Variants in CCSER1 observed in about 807,000 individuals in gnomAD.
CCSER1 encodes the protein serine-rich coiled-coil domain-containing protein 1.
Under a neutral mutation model 82.0 loss-of-function variants are expected in CCSER1, and 41 were observed. The observed-to-expected ratio is 0.50, with a 90% CI of 0.39 to 0.65. The LOEUF (loss-of-function observed/expected upper bound fraction) is 0.65, where lower values mean the gene tolerates loss of function less well. Ranked by LOEUF, CCSER1 falls within the 30% of genes least tolerant of loss-of-function variation. CCSER1 has a pLI of 0.00. For missense variants in CCSER1, 1,119 were observed against 1,064.2 expected, an observed-to-expected ratio of 1.05 and a Z score of -0.72; for synonymous variants, 414 against 383.9, an observed-to-expected ratio of 1.08 and a Z score of -0.92.
At position 91,599,264 on chromosome 4, in the gene CCSER1, G is replaced by A; in HGVS notation, c.*207G>A. 1.8e-6 allele frequency: 1 copy of A among 552,410 alleles called. No homozygotes were observed. The highest frequency in any genetic ancestry group is 3.1e-6 in the Non-Finnish European group (1 of 325,208). The allele number at this position is 552,410 out of a possible 1,614,324, so 34.2% of individuals were successfully genotyped here. On this transcript the variant is annotated 3_prime_UTR_variant, in exon 11 of 11. Transcript: ENST00000509176. ...AGTTTGAGCATGTTAATTGAACTAG[G>A]TTGCATTGCCTTGAAGACTTTACTA...
At chr4:90,407,939 T>C (rs1478560979) in intron 4 of CCSER1, among the ~76,000 whole-genome samples, 1 of 152,176 alleles carries the variant, frequency 6.6e-6, no homozygotes, top group Non-Finnish European at 1.5e-5. Flanking sequence ...CCTACCCTAA[T>C]ACTGCACTTT....
intron 10 of CCSER1, among the ~76,000 whole-genome samples, chr4:91,384,640 A>G (rs181717008): frequency 8.7e-4 from 133 of 152,210 alleles, no homozygotes; most frequent in African/African-American, 3.1e-3. Flanking sequence ...GGTATATCTT[A>G]TATAATATGA....
chr4:90,161,869 A>G (rs1729518630), intron 1 of CCSER1, among the ~76,000 whole-genome samples: 1 of 152,150 alleles, frequency 6.6e-6, no homozygotes, highest in African/African-American at 2.4e-5. Context: ...AGACCTAGAG[A>G]GCTAAAAGGT....
At chr4:90,596,355 C>T (rs1579365586) in intron 5 of CCSER1, among the ~76,000 whole-genome samples, 2 of 151,740 alleles carry the variant, frequency 1.3e-5, no homozygotes, top group South Asian at 4.1e-4. Flanking sequence ...CTGTTCATAT[C>T]TGATTTTCAT....
chr4:90,460,555 G>T (rs1044640955), intron 4 of CCSER1, among the ~76,000 whole-genome samples: 7 of 151,842 alleles, frequency 4.6e-5, no homozygotes, highest in Admixed American at 2.0e-4. Flanking sequence ...AGTTTCCAGG[G>T]TATAGTTATT....
chr4:90,663,908 T>G (rs959317284), intron 6 of CCSER1: 1 of 357,766 alleles, frequency 2.8e-6, no homozygotes, highest in Non-Finnish European at 5.9e-6. Flanking sequence ...TTTCTAGTTG[T>G]ATGAAAGTGA....
intron 5 of CCSER1, among the ~76,000 whole-genome samples, chr4:90,507,576 T>C (rs1770887091): frequency 6.6e-6 from 1 of 152,052 alleles, no homozygotes. Flanking sequence ...AATACAATCA[T>C]TTCATACATT....
intron 1 of CCSER1, among the ~76,000 whole-genome samples, chr4:90,276,302 CCTTCCTTTCTTT>C (rs1727758024): frequency 8.7e-6 from 1 of 115,258 alleles, no homozygotes; most frequent in Non-Finnish European, 1.8e-5. Flanking sequence ...TTCCTTCCTT[CCTTCCTTTCTTT>C]CTTTTTCTTT....
chr4:90,884,571 C>G (rs188982414), intron 8 of CCSER1, among the ~76,000 whole-genome samples: 84 of 152,142 alleles, frequency 5.5e-4, no homozygotes, highest in Non-Finnish European at 1.0e-3. Context: ...AAAAATGTCT[C>G]TTTTTATTTC....
intron 10 of CCSER1, among the ~76,000 whole-genome samples, chr4:91,197,285 A>G (rs1735521818): frequency 6.6e-6 from 1 of 152,200 alleles, no homozygotes; most frequent in Non-Finnish European, 1.5e-5. Context: ...CCTTATGTGA[A>G]TATATCTAAT....
At chr4:91,433,512 C>G (rs1430990224) in intron 10 of CCSER1, among the ~76,000 whole-genome samples, 1 of 152,166 alleles carries the variant, frequency 6.6e-6, no homozygotes, top group Non-Finnish European at 1.5e-5. Context: ...ACAGGTGTAC[C>G]ATTTTTTATC....
At chr4:91,182,438 G>T (rs56411339) in intron 10 of CCSER1, among the ~76,000 whole-genome samples, 61,052 of 151,944 alleles carry the variant, frequency 0.4, 12,597 homozygotes, top group Non-Finnish European at 0.46. Context: ...CTTTGGGCAG[G>T]CTCAAAAAAT....
At position 91,457,978 on chromosome 4, in the gene CCSER1, T is replaced by G. The variant is rs142606417; in HGVS notation, c.2218-140594T>G. ...TATTTTCAATGAATATTTAACTATA[T>G]AATGCAATAATGGCTTTATATAGTT... On this transcript the variant is annotated intron_variant, in intron 10 of 10. Transcript: ENST00000509176. 9.7e-3 allele frequency among the ~76,000 whole-genome samples: 1,481 copies of G among 152,284 alleles called. 9 individuals are homozygous for G. The highest frequency in any genetic ancestry group is 0.02 in the Middle Eastern group (6 of 294).
intron 8 of CCSER1, among the ~76,000 whole-genome samples, chr4:90,898,662 T>C (rs965553693): frequency 6.6e-6 from 1 of 152,040 alleles, no homozygotes; most frequent in Non-Finnish European, 1.5e-5. Flanking sequence ...TTCTTCTGTA[T>C]ATAGCTAGCT....
chr4:90,744,321 G>T (rs931847162), intron 7 of CCSER1, among the ~76,000 whole-genome samples: 1 of 152,082 alleles, frequency 6.6e-6, no homozygotes, highest in Non-Finnish European at 1.5e-5. Flanking sequence ...GTAAGGTACC[G>T]GAAGTGGTCA....
At chr4:91,020,719 A>C (rs773017974) in intron 9 of CCSER1, among the ~76,000 whole-genome samples, 45 of 152,220 alleles carry the variant, frequency 3.0e-4, no homozygotes, top group Non-Finnish European at 5.4e-4. Flanking sequence ...AGAGCAAGGA[A>C]ATATTAGAAA....
At chr4:90,821,838 T>C (rs1308271597) in intron 8 of CCSER1, among the ~76,000 whole-genome samples, 1 of 150,296 alleles carries the variant, frequency 6.7e-6, no homozygotes, top group Non-Finnish European at 1.5e-5. Context: ...GCTTATATGA[T>C]ACTGAAGGGC....
intron 10 of CCSER1, among the ~76,000 whole-genome samples, chr4:91,157,165 T>C: frequency 6.6e-6 from 1 of 151,976 alleles, no homozygotes. Flanking sequence ...CTAGATAGAA[T>C]GATCCTAAAT....
At chr4:91,568,618 T>G (rs185799073) in intron 10 of CCSER1, among the ~76,000 whole-genome samples, 9 of 152,314 alleles carry the variant, frequency 5.9e-5, no homozygotes, top group Non-Finnish European at 1.0e-4. Flanking sequence ...GATTCTTTCC[T>G]CAGCTTAGTT....
Sources: allele counts gnomAD v4.1 joint callset (sites outside exome capture counted in the v4.1 genomes callset), GRCh38; gene constraint gnomAD v4.1.1; transcripts MANE v1.5; gene names NCBI Gene and HGNC (gene_info 2026-07-23, HGNC 2026-07-21).